The following DTD1 variants were observed in gnomAD, a reference collection of about 807,000 sequenced individuals.
DTD1 encodes D-aminoacyl-tRNA deacylase 1, also known as D-tyrosyl-tRNA deacylase 1 homolog.
In DTD1, 13 loss-of-function variants were observed where a neutral mutation model predicts 25.6. That is an observed-to-expected ratio of 0.51 (90% CI 0.33 to 0.81). The LOEUF is 0.81. Among genes scored for constraint, DTD1 ranks in the 30% least tolerant of loss-of-function variants. The pLI, the probability that DTD1 is intolerant of heterozygous loss-of-function variation, is 0.02. For synonymous variants in DTD1, 110 were observed against 103.6 expected (o/e 1.06, Z -0.37); for missense variants, 193 against 266.4 (o/e 0.72, Z 1.92).
intron 4 of DTD1, among the ~76,000 whole-genome samples, chr20:18,681,537 T>C (rs987173691): frequency 9.9e-5 from 15 of 152,216 alleles, no homozygotes; most frequent in Non-Finnish European, 1.9e-4. Flanking sequence ...GAAACATCAT[T>C]GTCTGGAGAA....
intron 3 of DTD1, among the ~76,000 whole-genome samples, chr20:18,618,384 C>G (rs548714390): frequency 3.3e-5 from 5 of 151,198 alleles, no homozygotes; most frequent in Admixed American, 6.6e-5. Flanking sequence ...GGGTCTGGCT[C>G]TTTGTCACCC....
At chr20:18,721,678 G>A (rs1600390528) in intron 4 of DTD1, among the ~76,000 whole-genome samples, 1 of 152,126 alleles carries the variant, frequency 6.6e-6, no homozygotes, top group South Asian at 2.1e-4. Flanking sequence ...AAAACCGTCT[G>A]GGCCTGGTCG....
intron 3 of DTD1, among the ~76,000 whole-genome samples, chr20:18,611,717 G>A (rs1243917779): frequency 3.9e-5 from 6 of 152,018 alleles, no homozygotes; most frequent in Non-Finnish European, 4.4e-5. Context: ...ACAGCAGGCC[G>A]GCTCTCTTCG....
In DTD1 at chr20:18,764,171, G is replaced by C. The variant is rs1197327726; in HGVS notation, c.*831G>C. 6.6e-6 allele frequency: 1 copy of C among 152,184 alleles called. No homozygotes were observed. The highest frequency in any genetic ancestry group is 2.4e-5 in the African/African-American group (1 of 41,424). 9.4% of individuals were successfully genotyped at this position (152,184 alleles called of 1,614,324 possible). On this transcript the variant is annotated 3_prime_UTR_variant, in exon 6 of 6. Transcript: ENST00000377452. ...AGTCCAGTTTCAGAATGGCCACACT[G>C]TTCTGAGACCAAGTGTGGAGCCACA...
At chr20:18,593,980 C>A (rs1362158797) in intron 2 of DTD1, among the ~76,000 whole-genome samples, 159 bp downstream of exon 2, 2 of 152,016 alleles carry the variant, frequency 1.3e-5, no homozygotes, top group Non-Finnish European at 2.9e-5. Context: ...CAGAGAAGAC[C>A]GAGGAAGAAT....
chr20:18,648,672 A>G (rs916991749), intron 4 of DTD1, among the ~76,000 whole-genome samples: 3 of 152,142 alleles, frequency 2.0e-5, no homozygotes, highest in Non-Finnish European at 4.4e-5. Context: ...TTAAGTCATT[A>G]TAACCAAGGA....
intron 4 of DTD1, among the ~76,000 whole-genome samples, chr20:18,709,225 G>C (rs970015579): frequency 2.6e-5 from 4 of 152,118 alleles, no homozygotes; most frequent in Non-Finnish European, 4.4e-5. Flanking sequence ...TCCCCCCTTT[G>C]CAAATTCCTT....
intron 3 of DTD1, among the ~76,000 whole-genome samples, chr20:18,623,920 A>C (rs2060746795): frequency 1.0e-5 from 1 of 95,478 alleles, no homozygotes; most frequent in Non-Finnish European, 2.5e-5. Flanking sequence ...AGACAGAAAA[A>C]GAGCATGCAC....
intron 4 of DTD1, among the ~76,000 whole-genome samples, chr20:18,653,237 A>G (rs2060880356): frequency 6.6e-6 from 1 of 152,224 alleles, no homozygotes; most frequent in African/African-American, 2.4e-5. Context: ...CCCTGTCTCT[A>G]TAAAAAATTA....
chr20:18,670,868 C>T (rs1212396150), intron 4 of DTD1, among the ~76,000 whole-genome samples: 6 of 152,186 alleles, frequency 3.9e-5, no homozygotes, highest in Admixed American at 2.6e-4. Context: ...AACAGAAAAA[C>T]GTGAGTCTCA....
intron 4 of DTD1, among the ~76,000 whole-genome samples, chr20:18,739,490 C>T (rs1341012813): frequency 6.6e-6 from 1 of 152,158 alleles, no homozygotes; most frequent in Non-Finnish European, 1.5e-5. Context: ...CTCTCTAAGG[C>T]GCTAAAGCCA....
chr20:18,743,513 G>GT (rs1413937710), intron 4 of DTD1, among the ~76,000 whole-genome samples: 1 of 151,864 alleles, frequency 6.6e-6, no homozygotes, highest in African/African-American at 2.4e-5. Context: ...GGGCAACATG[G>GT]TGAAACTCTG....
intron 5 of DTD1, among the ~76,000 whole-genome samples, chr20:18,755,761 T>A (rs2061336641): frequency 1.3e-5 from 2 of 152,232 alleles, no homozygotes; most frequent in South Asian, 2.1e-4. Flanking sequence ...AGCAGCATGT[T>A]TTATAATCCT....
intron 3 of DTD1, among the ~76,000 whole-genome samples, chr20:18,615,201 AC>A (rs1421088403): frequency 6.6e-6 from 1 of 152,238 alleles, no homozygotes; most frequent in Non-Finnish European, 1.5e-5. Context: ...ATACAGTCCC[AC>A]GCTGTAATGA....
intron 2 of DTD1, among the ~76,000 whole-genome samples, chr20:18,595,422 A>G (rs1257073925): frequency 6.6e-6 from 1 of 152,076 alleles, no homozygotes; most frequent in Non-Finnish European, 1.5e-5. Context: ...GCCCGCCACC[A>G]TGCCTGGCTA....
intron 1 of DTD1, chr20:18,588,853 T>C (rs1259814345): frequency 7.1e-6 from 7 of 985,296 alleles, no homozygotes; most frequent in Non-Finnish European, 8.4e-6. Context: ...ATGATTAGTG[T>C]AGATAAAGTA....
At chr20:18,709,861 T>C (rs1466470412) in intron 4 of DTD1, among the ~76,000 whole-genome samples, 3 of 152,098 alleles carry the variant, frequency 2.0e-5, no homozygotes, top group Non-Finnish European at 4.4e-5. Flanking sequence ...CACTTTCATT[T>C]GTGAGTGGTA....
chr20:18,744,377 T>C, intron 5 of DTD1, 106 bp downstream of exon 5: 1 of 1,214,286 alleles, frequency 8.2e-7, no homozygotes, highest in South Asian at 1.6e-5. Flanking sequence ...ACAGCGTTCA[T>C]CCATAGCTTC....
intron 3 of DTD1, among the ~76,000 whole-genome samples, chr20:18,603,756 C>A (rs1448422130): frequency 7.8e-6 from 1 of 128,396 alleles, no homozygotes; most frequent in Non-Finnish European, 1.7e-5. Context: ...ACCAGAATCT[C>A]TGGGACGCAT....
Sources: allele counts gnomAD v4.1 joint callset (sites outside exome capture counted in the v4.1 genomes callset), GRCh38; gene constraint gnomAD v4.1.1; transcripts MANE v1.5; gene names NCBI Gene and HGNC (gene_info 2026-07-23, HGNC 2026-07-21).